Variants in SLC29A3 observed in about 807,000 individuals in gnomAD.
SLC29A3 encodes the protein solute carrier family 29 member 3.
A neutral mutation model predicts 25.4 loss-of-function variants in SLC29A3; 18 were observed. That is an observed-to-expected ratio of 0.71 (90% confidence interval 0.49 to 1.05). SLC29A3 has a LOEUF of 1.05. Among genes scored for constraint, SLC29A3 ranks in the 50% least tolerant of loss-of-function variants. The pLI is 0.00. For synonymous variants in SLC29A3, 258 were observed against 267.1 expected (o/e 0.97, Z 0.33); for missense variants, 586 against 609.0 (o/e 0.96, Z 0.40).
intron 2 of SLC29A3, among the ~76,000 whole-genome samples, chr10:71,324,888 G>A (rs1056007455): frequency 5.9e-5 from 9 of 152,140 alleles, no homozygotes; most frequent in Non-Finnish European, 5.9e-5. Flanking sequence ...CTGGGGGGTC[G>A]GGCCAAGGTC....
chr10:71,358,123 C>T (rs1846962493), intron 5 of SLC29A3, among the ~76,000 whole-genome samples: 2 of 152,194 alleles, frequency 1.3e-5, no homozygotes, highest in African/African-American at 4.8e-5. Context: ...CCCCAGGTCA[C>T]TCATCTGGTG....
intron 2 of SLC29A3, among the ~76,000 whole-genome samples, chr10:71,326,581 ATTGC>A (rs1845977353): frequency 2.0e-5 from 3 of 152,142 alleles, no homozygotes; most frequent in African/African-American, 7.2e-5. Context: ...ACAGAGCTAG[ATTGC>A]GTGTGCACCT....
chr10:71,343,992 A>T (rs1001425838), intron 2 of SLC29A3, among the ~76,000 whole-genome samples: 1 of 152,144 alleles, frequency 6.6e-6, no homozygotes, highest in Non-Finnish European at 1.5e-5. Flanking sequence ...CACTTAGTAC[A>T]GCTGACATTG....
At chr10:71,355,544 A>G (rs564819863) in intron 4 of SLC29A3, among the ~76,000 whole-genome samples, 43 of 152,318 alleles carry the variant, frequency 2.8e-4, no homozygotes, top group African/African-American at 8.4e-4. Context: ...TGGGTGGGCA[A>G]TGGTGGGGGT....
At chr10:71,333,706 C>G (rs527308952) in intron 2 of SLC29A3, among the ~76,000 whole-genome samples, 1 of 152,250 alleles carries the variant, frequency 6.6e-6, no homozygotes, top group African/African-American at 2.4e-5. Context: ...TCTTGAAAGG[C>G]CTTCTTCCTC....
intron 2 of SLC29A3, among the ~76,000 whole-genome samples, chr10:71,336,365 C>G (rs544947301): frequency 1.1e-4 from 17 of 152,048 alleles, no homozygotes; most frequent in Non-Finnish European, 2.5e-4. Context: ...GACGGGGTAG[C>G]ATGCAGTGTC....
chr10:71,344,947 C>T (rs752397892), intron 3 of SLC29A3, among the ~76,000 whole-genome samples: 7 of 152,222 alleles, frequency 4.6e-5, no homozygotes, highest in Non-Finnish European at 8.8e-5. Context: ...GGCTGCTGTT[C>T]GCCATGGCCT....
At chr10:71,369,291 C>G (rs1847193428) in intron 3 of SLC29A3, among the ~76,000 whole-genome samples, 1 of 152,210 alleles carries the variant, frequency 6.6e-6, no homozygotes. Flanking sequence ...TGTGAACAGA[C>G]TAAGACAAAT....
chr10:71,357,789 G>T (rs993234743), intron 5 of SLC29A3, among the ~76,000 whole-genome samples: 1 of 152,028 alleles, frequency 6.6e-6, no homozygotes, highest in South Asian at 2.1e-4. Flanking sequence ...TCTTTCTCTC[G>T]TGTTTTATTC....
intron 5 of SLC29A3, among the ~76,000 whole-genome samples, chr10:71,359,599 C>T (rs934004531): frequency 3.9e-5 from 6 of 152,314 alleles, no homozygotes; most frequent in African/African-American, 7.2e-5. Context: ...ATTCTGGGGA[C>T]GGGCCCTCCC....
chr10:71,376,019 G>A (rs1414659004), intron 4 of SLC29A3, among the ~76,000 whole-genome samples: 1 of 152,154 alleles, frequency 6.6e-6, no homozygotes, highest in Non-Finnish European at 1.5e-5. Context: ...AGAGGGGGAA[G>A]AAGGGGCAAA....
intron 5 of SLC29A3, 51 bp downstream of exon 5, chr10:71,356,294 G>C (rs372833958): frequency 1.3e-6 from 2 of 1,598,494 alleles, no homozygotes; most frequent in Non-Finnish European, 1.7e-6. Flanking sequence ...TCCAGTTATA[G>C]CCATGCTTCT....
chr10:71,362,315 C>A lies in SLC29A3; in HGVS notation c.1135C>A (p.Leu379Ile). ...IQVPGPNSKALPGFVLLRTCL... is the reference protein window; with the variant it reads ...IQVPGPNSKAIPGFVLLRTCL... ...GGTGCCAGGGCCCAATAGCAAGGCG[C>A]TCCCAGGGTTCGTGCTCCTCCGGAC... The change falls in exon 6 of 6, where the codon CTC becomes ATC. Residue 379 changes from leucine to isoleucine, a missense_variant. Physicochemically the swap from Leu to Ile is conservative, Grantham distance 5. Transcript: ENST00000373189. 1 of 1,614,170 alleles carries A rather than the reference C, an allele frequency of 6.2e-7. No homozygotes were observed. The highest frequency in any genetic ancestry group is 8.5e-7 in the Non-Finnish European group (1 of 1,180,028).
chr10:71,366,179 G>A (rs1589246729), downstream of SLC29A3: 2 of 152,002 alleles, frequency 1.3e-5, no homozygotes, highest in Non-Finnish European at 2.9e-5. Flanking sequence ...TTTTATAGAG[G>A]CAGAGTCTCA....
In SLC29A3 at chr10:71,329,004, G is replaced by A. The variant is rs151206536; in HGVS notation, c.300+5950G>A. 1.8e-3 allele frequency among the ~76,000 whole-genome samples: 278 copies of A among 152,340 alleles called. 1 individual carries two copies. The highest frequency in any genetic ancestry group is 6.6e-3 in the African/African-American group (273 of 41,580). On this transcript the variant is annotated intron_variant, in intron 2 of 5. Transcript: ENST00000373189. Reference sequence around the variant, plus strand: ...AAAGGAAGCAGGATGAGCTTGTGTGGAGAAGAGGATACTGGAGGACAGGTT... The same window carrying A: ...AAAGGAAGCAGGATGAGCTTGTGTGAAGAAGAGGATACTGGAGGACAGGTT...
chr10:71,363,803 TTTTTCTTTTC>T (rs1242971284), downstream of SLC29A3, among the ~76,000 whole-genome samples: 25 of 78,304 alleles, frequency 3.2e-4, no homozygotes, highest in East Asian at 4.3e-3. Flanking sequence ...CTTTTTTTCC[TTTTTCTTTTC>T]TTTTTTTTTT....
intron 4 of SLC29A3, among the ~76,000 whole-genome samples, chr10:71,354,590 T>G (rs1846848209): frequency 6.6e-6 from 1 of 152,142 alleles, no homozygotes; most frequent in Admixed American, 6.5e-5. Flanking sequence ...CTCTGCTTCG[T>G]GCAATAGTGG....
At chr10:71,378,729 C>A (rs1451665368) in intron 4 of SLC29A3, among the ~76,000 whole-genome samples, 1 of 152,236 alleles carries the variant, frequency 6.6e-6, no homozygotes, top group East Asian at 1.9e-4. Flanking sequence ...AGTTTGAGAA[C>A]GACTGTTCTG....
chr10:71,356,325 C>A, intron 5 of SLC29A3, 82 bp downstream of exon 5: 1 of 1,548,184 alleles, frequency 6.5e-7, no homozygotes, highest in African/African-American at 1.4e-5. Flanking sequence ...AGCTTCTATG[C>A]TGGCTTCTTT....
Sources: allele counts gnomAD v4.1 joint callset (sites outside exome capture counted in the v4.1 genomes callset), GRCh38; gene constraint gnomAD v4.1.1; transcripts MANE v1.5; gene names NCBI Gene and HGNC (gene_info 2026-07-23, HGNC 2026-07-21).